Variants in SRRM2 observed in about 807,000 individuals in gnomAD.
SRRM2 encodes the protein serine/arginine repetitive matrix 2.
SRRM2 carries 30 observed loss-of-function variants against 213.8 expected under a neutral mutation model. That is an observed-to-expected ratio of 0.14 (90% CI 0.10 to 0.19). The LOEUF (loss-of-function observed/expected upper bound fraction) is 0.19. SRRM2 is among the 10% of genes least tolerant of loss of function. The pLI, the probability that SRRM2 is intolerant of heterozygous loss-of-function variation, is 1.00. For synonymous variants in SRRM2, 2,025 were observed against 1,377.7 expected (o/e 1.47, Z -10.40); for missense variants, 4,904 against 3,647.0 (o/e 1.34, Z -8.88).
At position 2,770,986 on chromosome 16, in the gene SRRM2, T is replaced by C. The variant is rs962341650; in HGVS notation, c.*119T>C. The C allele has an allele frequency of 8.0e-7, 1 of 1,243,406 alleles. No individual in the cohort carries two copies. Among genetic ancestry groups the C allele is most frequent in the Admixed American group, 2.4e-5 (1 of 42,324 alleles). 77.0% of individuals were successfully genotyped at this position (1,243,406 alleles called of 1,614,324 possible). ...CTCTCCTTTGAACCTTGGCAGCCCTTGGATGGAGGGCTCCCTTTCCCTCCC... is the reference window on the plus strand; with the variant it reads ...CTCTCCTTTGAACCTTGGCAGCCCTCGGATGGAGGGCTCCCTTTCCCTCCC... On this transcript the variant is annotated 3_prime_UTR_variant, in exon 15 of 15. Coordinates refer to ENST00000301740, the MANE Select transcript of SRRM2 (RefSeq NM_016333.4).
rs776457758 is a variant in SRRM2 at position 2,771,071 on chromosome 16, T to C, written c.*204T>C. 9.8e-6 allele frequency: 4 copies of C among 409,218 alleles called. No homozygotes were observed. Among genetic ancestry groups the C allele is most frequent in the East Asian group, 5.7e-5 (1 of 17,624 alleles). 25.3% of individuals were successfully genotyped at this position (409,218 alleles called of 1,614,324 possible). On this transcript the variant is annotated 3_prime_UTR_variant, in exon 15 of 15. Transcript: ENST00000301740. The stretch of plus-strand genomic sequence containing the variant: ...CTCCGTGAGTTCTTCCTGGTTCATG[T>C]GTTCTGGGGGGTTTGGGGTGGGAGG...
At chr16:2,752,929 C>G (rs996589128) in intron 1 of SRRM2, 83 bp downstream of exon 1, 5 of 162,726 alleles carry the variant, frequency 3.1e-5, no homozygotes, top group African/African-American at 1.2e-4. Context: ...GAGAACTGCC[C>G]AGGCCGCCGA....
At position 2,767,852 on chromosome 16, in the gene SRRM2, C is replaced by G. The variant is rs762445881; in HGVS notation, c.7324C>G (p.Pro2442Ala). The G allele has an allele frequency of 1.2e-6, 2 of 1,614,156 alleles. No homozygotes were observed. The highest frequency in any genetic ancestry group is 2.2e-5 in the East Asian group (1 of 44,888). Residue 2442 changes from proline to alanine, a missense_variant, in exon 11 of 15, where the codon CCA becomes GCA. By Grantham distance (27) the Pro-to-Ala change is conservative (BLOSUM62 -1). Coordinates refer to ENST00000301740, the MANE Select transcript of SRRM2 (RefSeq NM_016333.4). ...GGCTCCTTCACAGTCTCTTCTCCCT[C>G]CAGCACAGGATCAGCCGAGGTCTCC... is the stretch of plus-strand genomic sequence containing the variant. ...GQAPSQSLLP[P>A]AQDQPRSPVP...
Position 2,756,991 on chromosome 16 carries a change from G to A in SRRM2, c.242+385G>A, listed in dbSNP as rs904872875. ...AAATGGATGTAAGGATTGAGGCCTTGGAAAGTAGCATAGGCAGGAAAAGAG... is the reference window on the plus strand; with the variant it reads ...AAATGGATGTAAGGATTGAGGCCTTAGAAAGTAGCATAGGCAGGAAAAGAG... On this transcript the variant is annotated intron_variant, in intron 2 of 14. Transcript: ENST00000301740. Among the ~76,000 whole-genome samples, 18 of 152,288 alleles carry A rather than the reference G, an allele frequency of 1.2e-4. No homozygotes were observed. The East Asian group carries it at 2.9e-3, about 24-fold the overall frequency.
chr16:2,757,706 C>T (rs939676745), intron 3 of SRRM2, 75 bp from the exon 4 acceptor site: 4 of 1,585,092 alleles, frequency 2.5e-6, no homozygotes, highest in African/African-American at 1.4e-5. Flanking sequence ...TTATTTGGCT[C>T]CTGCTTATAC....
At position 2,759,067 on chromosome 16, in the gene SRRM2, G is replaced by A. The variant is rs201141489; in HGVS notation, c.656+20G>A. ...GCACAGGTATGAGGTGGGAATACTT[G>A]AATGACTGGAGAAGGTTTGCTGAAT... is the stretch of plus-strand genomic sequence containing the variant. On this transcript the variant is annotated intron_variant, in intron 6 of 14. Transcript: ENST00000301740. 8.4e-5 allele frequency: 136 copies of A among 1,614,210 alleles called. No individual in the cohort carries two copies. The East Asian group carries it at 1.4e-3, about 16-fold the overall frequency.
intron 10 of SRRM2, 96 bp from the exon 11 acceptor site, chr16:2,761,465 G>T: frequency 1.8e-6 from 2 of 1,085,190 alleles, no homozygotes; most frequent in Non-Finnish European, 2.5e-6. Context: ...GTGTGTAAAA[G>T]AAAAGTTATC....
chr16:2,763,679 G>A lies in SRRM2; in HGVS notation c.3151G>A (p.Gly1051Ser), dbSNP rs761301675. The change falls in exon 11 of 15, where the codon GGT becomes AGT. Residue 1051 changes from glycine (G) to serine (S), a missense_variant. By Grantham distance (56) the Gly-to-Ser change is moderately conservative. Transcript: ENST00000301740. ...CACACCACCAGGCGAGAGCTATTTT[G>A]GTGTCTCATCTCTGCAACTGAAAGG... ...SSTPPGESYF[G>S]VSSLQLKGQS... 6.2e-7 allele frequency: 1 copy of A among 1,614,148 alleles called. No individual in the cohort carries two copies. Among genetic ancestry groups the A allele is most frequent in the Non-Finnish European group, 8.5e-7 (1 of 1,180,028 alleles).
rs189121731 is a variant in SRRM2, at chr16:2,763,094, A to G, written c.2566A>G (p.Thr856Ala). ...AACACCACCGAGGCAAGGGTCCATAACAAGTCCCCAGGCCAATGAGCAATC... is the reference window on the plus strand; with the variant it reads ...AACACCACCGAGGCAAGGGTCCATAGCAAGTCCCCAGGCCAATGAGCAATC... ...SGTPPRQGSI[T>A]SPQANEQSVT... Residue 856 changes from threonine to alanine, a missense_variant, in exon 11 of 15, where the codon ACA becomes GCA. Coordinates refer to ENST00000301740, the MANE Select transcript of SRRM2 (RefSeq NM_016333.4). 128 of 1,614,156 alleles carry G rather than the reference A, an allele frequency of 7.9e-5. No individual in the cohort carries two copies. Among genetic ancestry groups the G allele is most frequent in the Admixed American group, 1.7e-4 (10 of 60,028 alleles).
chr16:2,754,804 A>C (rs748065209), intron 1 of SRRM2, among the ~76,000 whole-genome samples: 12 of 151,926 alleles, frequency 7.9e-5, no homozygotes, highest in Non-Finnish European at 1.5e-4. Flanking sequence ...GGTGTAGAGA[A>C]ATTGATTTTT....
chr16:2,759,788 A>G, intron 9 of SRRM2, 127 bp downstream of exon 9: 1 of 752,094 alleles, frequency 1.3e-6, no homozygotes, highest in Non-Finnish European at 2.2e-6. Context: ...CCTGCCCTCT[A>G]GGAGCTGACA....
chr16:2,762,481 C>T lies in SRRM2; in HGVS notation c.1953C>T (p.Thr651=), dbSNP rs79910471. The T allele has an allele frequency of 8.6e-3, 13,900 of 1,613,788 alleles. 97 individuals are homozygous for T. The highest frequency in any genetic ancestry group is 0.028 in the Middle Eastern group (170 of 6,056). ...GAAGTGGCAGGTCACGCTCTAGAACCCCAGCTAGACGTGGCCGCTCACGCT... is the reference window on the plus strand; with the variant it reads ...GAAGTGGCAGGTCACGCTCTAGAACTCCAGCTAGACGTGGCCGCTCACGCT... ...ARRSGRSRSR[T]PARRGRSRSR... is the part of the protein sequence containing the mutation. The change falls in exon 11 of 15, where the codon ACC becomes ACT. Residue 651 remains threonine (T), a synonymous_variant. Transcript: ENST00000301740.
In SRRM2 at chr16:2,762,650, G is replaced by C; in HGVS notation, c.2122G>C (p.Val708Leu). The change falls in exon 11 of 15, where the codon GTT becomes CTT. Residue 708 changes from valine to leucine, a missense_variant. Val to Leu is a conservative substitution (Grantham distance 32, BLOSUM62 1). Transcript: ENST00000301740. Reference protein sequence around the residue: ...RRGRSRSRSLVRRGRSHSRTP... With the variant: ...RRGRSRSRSLLRRGRSHSRTP... Reference sequence around the variant, plus strand: ...AGGAAGATCCCGCAGTAGAAGCTTAGTTAGACGTGGAAGATCTCACTCTAG... The same window carrying C: ...AGGAAGATCCCGCAGTAGAAGCTTACTTAGACGTGGAAGATCTCACTCTAG... 1.2e-6 allele frequency: 2 copies of C among 1,614,130 alleles called. No homozygotes were observed. The highest frequency in any genetic ancestry group is 1.7e-6 in the Non-Finnish European group (2 of 1,180,012).
Position 2,764,381 on chromosome 16 carries a change from G to A in SRRM2, c.3853G>A (p.Asp1285Asn). 1 of 1,614,046 alleles carries A rather than the reference G, an allele frequency of 6.2e-7. No homozygotes were observed. Among genetic ancestry groups the A allele is most frequent in the Non-Finnish European group, 8.5e-7 (1 of 1,180,016 alleles). Residue 1285 changes from aspartate (D) to asparagine (N), a missense_variant, in exon 11 of 15, where the codon GAT becomes AAT. Physicochemically the swap from Asp to Asn is conservative, Grantham distance 23 (BLOSUM62 1). Coordinates refer to ENST00000301740, the MANE Select transcript of SRRM2 (RefSeq NM_016333.4). The stretch of plus-strand genomic sequence containing the variant: ...AAGGCCTGCTGTGTCTTTGACTCTT[G>A]ATCAGAGCCAGTCACAGGCTTCTTT... Reference protein sequence around the residue: ...EERPAVSLTLDQSQSQASLEA... With the variant: ...EERPAVSLTLNQSQSQASLEA...
rs373440534 is a variant in SRRM2 at position 2,765,752 on chromosome 16, T to G, written c.5224T>G (p.Ser1742Ala). 1.9e-6 allele frequency: 3 copies of G among 1,613,990 alleles called. No individual in the cohort carries two copies. The African/African-American group carries it at 4.0e-5, about 22-fold the overall frequency. Residue 1742 changes from serine (S) to alanine (A), a missense_variant, in exon 11 of 15, where the codon TCA becomes GCA. Ser to Ala is a moderately conservative substitution (Grantham distance 99, BLOSUM62 1). Coordinates refer to ENST00000301740, the MANE Select transcript of SRRM2 (RefSeq NM_016333.4). ...GGAGCCAGCCGAAAAATCGAGGTCT[T>G]CACGCCGACGGCGCTCAGCTTCATC... ...SPEPAEKSRS[S>A]RRRRSASSPR...
In SRRM2 at chr16:2,763,758, G is replaced by C. The variant is rs149404678; in HGVS notation, c.3230G>C (p.Arg1077Thr). 1 of 1,613,940 alleles carries C rather than the reference G, an allele frequency of 6.2e-7. No homozygotes were observed. The highest frequency in any genetic ancestry group is 1.3e-5 in the African/African-American group (1 of 74,938). ...HRSDTSSPEV[R>T]QSHSESPSLQ... ...TCTGATACTTCAAGTCCAGAAGTGA[G>C]ACAGAGTCATTCAGAATCACCATCT... The change falls in exon 11 of 15, where the codon AGA becomes ACA. Residue 1077 changes from arginine to threonine, a missense_variant. Physicochemically the swap from Arg to Thr is moderately conservative, Grantham distance 71 (BLOSUM62 -1). Transcript: ENST00000301740.
Position 2,760,182 on chromosome 16 carries a change from G to T in SRRM2, c.834-119G>T, listed in dbSNP as rs1397659143. 8 of 996,270 alleles carry T rather than the reference G, an allele frequency of 8.0e-6. No individual in the cohort carries two copies. In the East Asian group the frequency reaches 2.1e-4, roughly 26 times the overall value. The allele number at this position is 996,270 out of a possible 1,614,324, so 61.7% of individuals were successfully genotyped here. A position where few individuals can be genotyped will look rare whatever the true frequency, so the allele number is the denominator to read the frequency against. On this transcript the variant is annotated intron_variant, in intron 9 of 14. Transcript: ENST00000301740. ...GAATGATTTGAGTTGTGCGACTAAA[G>T]GCTTTTTGGAAGAGGGTTGTCCAGT... is the stretch of plus-strand genomic sequence containing the variant.
rs1006040964 is a variant in SRRM2, at chr16:2,759,119, T to C, written c.657-21T>C. 8 of 1,614,020 alleles carry C rather than the reference T, an allele frequency of 5.0e-6. No homozygotes were observed. The Admixed American group carries it at 6.7e-5, about 13-fold the overall frequency. ...CAGGCAGAGGTGTTTCTTATGTTTTTTCTTCTCTTTTTTCCAACAGGTCAG... is the reference window on the plus strand; with the variant it reads ...CAGGCAGAGGTGTTTCTTATGTTTTCTCTTCTCTTTTTTCCAACAGGTCAG... On this transcript the variant is annotated intron_variant, in intron 6 of 14. Transcript: ENST00000301740.
chr16:2,766,963 C>G lies in SRRM2; in HGVS notation c.6435C>G (p.Pro2145=). 1 of 1,614,158 alleles carries G rather than the reference C, an allele frequency of 6.2e-7. No individual in the cohort carries two copies. Among genetic ancestry groups the G allele is most frequent in the Non-Finnish European group, 8.5e-7 (1 of 1,180,040 alleles). Residue 2145 remains proline, a synonymous_variant, in exon 11 of 15, where the codon CCC becomes CCG. Coordinates refer to ENST00000301740, the MANE Select transcript of SRRM2 (RefSeq NM_016333.4). The surrounding 1 kb of genome is among the most constrained non-coding windows in gnomAD (Gnocchi z 7.0). ...AACCCCTTGGCAGCTCTAGAACACCCATGTCTGTCCTGCAGCAAGCCGGCG... is the reference window on the plus strand; with the variant it reads ...AACCCCTTGGCAGCTCTAGAACACCGATGTCTGTCCTGCAGCAAGCCGGCG... ...MLEPLGSSRT[P]MSVLQQAGGS...
Sources: gnomAD v4.1 joint callset for allele counts (sites outside exome capture counted in the v4.1 genomes callset) on GRCh38, gnomAD v4.1.1 for gene constraint, Gnocchi (gnomAD v3.1) non-coding constraint, MANE v1.5 for transcripts, NCBI Gene and HGNC (gene_info 2026-07-23, HGNC 2026-07-21) for gene names.